KLRG1: variants seen among roughly 807,000 people sequenced by gnomAD.
KLRG1 encodes the protein killer cell lectin like receptor G1.
Under a neutral mutation model 21.8 loss-of-function variants are expected in KLRG1, and 16 were observed. That is an observed-to-expected ratio of 0.73 (90% CI 0.50 to 1.11). The LOEUF (loss-of-function observed/expected upper bound fraction) is 1.11, where lower values mean the gene tolerates loss of function less well. Ranked by LOEUF, KLRG1 falls within the 50% of genes most tolerant of loss-of-function variation. KLRG1 has a pLI of 0.00. For synonymous variants in KLRG1, 69 were observed against 75.9 expected, an observed-to-expected ratio of 0.91 and a Z score of 0.47; for missense variants, 173 against 218.3, an observed-to-expected ratio of 0.79 and a Z score of 1.31.
chr12:8,989,986 C>T (rs905128267), intron 1 of KLRG1, among the ~76,000 whole-genome samples: 1 of 152,156 alleles, frequency 6.6e-6, no homozygotes, highest in Non-Finnish European at 1.5e-5. Flanking sequence ...TGCCGTTATT[C>T]CTTCTTGCTC....
chr12:8,963,293 G>GA (rs1565536513), intron 1 of KLRG1, among the ~76,000 whole-genome samples: 1 of 152,114 alleles, frequency 6.6e-6, no homozygotes, highest in East Asian at 1.9e-4. Context: ...CTGCATGAAG[G>GA]AAAATAACAC....
chr12:9,117,649 G>A, the KLRG1 span, among the ~76,000 whole-genome samples: 1 of 152,124 alleles, frequency 6.6e-6, no homozygotes, highest in Non-Finnish European at 1.5e-5. Context: ...GTGCTTGTGG[G>A]ATATTCACGT....
the KLRG1 span, chr12:9,135,505 A>G: frequency 1.1e-5 from 4 of 360,832 alleles, no homozygotes; most frequent in Non-Finnish European, 2.1e-5. Context: ...CGACATACAA[A>G]TGGTAGACAG....
chr12:9,209,279 A>G, the KLRG1 span, among the ~76,000 whole-genome samples: 53 of 152,210 alleles, frequency 3.5e-4, 2 homozygotes, highest in South Asian at 9.1e-3. Context: ...CTCTTTCTCC[A>G]TATTTCAGCC....
At chr12:9,076,787 G>A in the KLRG1 span, 1 of 1,613,916 alleles carries the variant, frequency 6.2e-7, no homozygotes. Flanking sequence ...TAAGTGACTT[G>A]AGTACTTCCT....
At chr12:8,981,187 G>A (rs4882973) in intron 1 of KLRG1, among the ~76,000 whole-genome samples, 12,886 of 152,124 alleles carry the variant, frequency 0.085, 1,030 homozygotes, top group African/African-American at 0.21. Flanking sequence ...CTTATTAGAA[G>A]TTTATCAGTC....
chr12:8,993,922 G>A (rs1947054593), intron 2 of KLRG1, among the ~76,000 whole-genome samples: 2 of 152,104 alleles, frequency 1.3e-5, no homozygotes, highest in Non-Finnish European at 2.9e-5. Flanking sequence ...GGAGTATAAT[G>A]GCTCATACTT....
intron 1 of KLRG1, among the ~76,000 whole-genome samples, chr12:8,981,393 A>G (rs1463737591): frequency 6.6e-6 from 1 of 151,884 alleles, no homozygotes; most frequent in Non-Finnish European, 1.5e-5. Context: ...TTCATTTAAA[A>G]CTACAGTATT....
chr12:8,999,842 C>T, intron 3 of KLRG1, among the ~76,000 whole-genome samples: 1 of 152,114 alleles, frequency 6.6e-6, no homozygotes, highest in Non-Finnish European at 1.5e-5. Flanking sequence ...AGTTCAAGAC[C>T]TGGCCAACAT....
the KLRG1 span, chr12:9,200,837 G>A: frequency 6.5e-7 from 1 of 1,538,594 alleles, no homozygotes. Context: ...ATCTAAGTGA[G>A]CTCACACTCT....
the KLRG1 span, among the ~76,000 whole-genome samples, chr12:9,199,523 A>C: frequency 7.8e-4 from 119 of 152,330 alleles, no homozygotes; most frequent in Non-Finnish European, 1.4e-3. Flanking sequence ...AAAACATTCA[A>C]TGTATCCTCT....
chr12:9,029,873 C>T, the KLRG1 span, among the ~76,000 whole-genome samples: 6 of 152,250 alleles, frequency 3.9e-5, no homozygotes, highest in South Asian at 2.1e-4. Flanking sequence ...TCTCATGCCT[C>T]GGCCTCCCGA....
the KLRG1 span, among the ~76,000 whole-genome samples, chr12:9,212,379 A>G: frequency 6.6e-6 from 1 of 152,228 alleles, no homozygotes; most frequent in Non-Finnish European, 1.5e-5. Flanking sequence ...GACTGCTCTT[A>G]GACTGCATCA....
the KLRG1 span, among the ~76,000 whole-genome samples, chr12:9,131,857 A>G: frequency 5.3e-5 from 8 of 152,044 alleles, no homozygotes; most frequent in South Asian, 8.3e-4. Flanking sequence ...ATGAGAAGAT[A>G]TTTTCCAAGC....
At chr12:8,986,965 T>C (rs529831143), upstream of KLRG1, among the ~76,000 whole-genome samples, 1 of 152,162 alleles carries the variant, frequency 6.6e-6, no homozygotes, top group African/African-American at 2.4e-5. Flanking sequence ...CCTTCCACCA[T>C]GACTAAGTTT....
the KLRG1 span, chr12:9,079,470 A>G: frequency 8.8e-7 from 1 of 1,130,202 alleles, no homozygotes; most frequent in East Asian, 2.5e-5. Context: ...TGAGCCTTAA[A>G]TATTTTATTG....
the KLRG1 span, chr12:9,113,213 C>T: frequency 2.7e-6 from 2 of 741,228 alleles, no homozygotes; most frequent in Non-Finnish European, 4.2e-6. Flanking sequence ...TCATGCATTG[C>T]TCCTTAATTT....
At chr12:9,113,546 G>A in the KLRG1 span, 1 of 1,613,062 alleles carries the variant, frequency 6.2e-7, no homozygotes, top group East Asian at 2.2e-5. Context: ...TATACTGCCT[G>A]GGAATGAGAC....
chr12:8,964,263 A>G (rs1032034053), intron 1 of KLRG1, among the ~76,000 whole-genome samples: 1 of 152,204 alleles, frequency 6.6e-6, no homozygotes, highest in African/African-American at 2.4e-5. Flanking sequence ...TTCAAAGAAC[A>G]TCTTTATTTC....
Sources: allele counts gnomAD v4.1 joint callset (sites outside exome capture counted in the v4.1 genomes callset), GRCh38; gene constraint gnomAD v4.1.1; transcripts MANE v1.5; gene names NCBI Gene and HGNC (gene_info 2026-07-23, HGNC 2026-07-21).